WRAP53: variants seen among roughly 807,000 people sequenced by gnomAD.
WRAP53 encodes telomerase Cajal body protein 1.
A neutral mutation model predicts 56.6 loss-of-function variants in WRAP53; 28 were observed. That is an observed-to-expected ratio of 0.50 (90% confidence interval 0.37 to 0.68). The LOEUF (loss-of-function observed/expected upper bound fraction) is 0.68. WRAP53 is among the 30% of genes least tolerant of loss of function. The pLI is 0.00. For synonymous variants in WRAP53, 283 were observed against 283.4 expected, an observed-to-expected ratio of 1.00 and a Z score of 0.01; for missense variants, 671 against 715.5, an observed-to-expected ratio of 0.94 and a Z score of 0.71.
intron 4 of WRAP53, among the ~76,000 whole-genome samples, chr17:7,693,238 T>A (rs2074138848): frequency 6.6e-6 from 1 of 151,464 alleles, no homozygotes; most frequent in African/African-American, 2.4e-5. Flanking sequence ...ATGTGGCAGT[T>A]GTGTTGCTCT....
At chr17:7,688,335 T>G (rs1057516027), upstream of WRAP53, 10 of 442,732 alleles carry the variant, frequency 2.3e-5, no homozygotes, top group East Asian at 1.4e-4. Flanking sequence ...ACGGGAAACC[T>G]TCTAACCTTT....
rs926446428 is a variant in WRAP53 at position 7,689,535 on chromosome 17, C to A, written c.531-55C>A. 4 of 1,550,840 alleles carry A rather than the reference C, an allele frequency of 2.6e-6. No individual in the cohort carries two copies. The Admixed American group carries it at 6.7e-5, about 26-fold the overall frequency. ...CCCCAGAGGCAGGCTCAGCCCTAGCCCTACACTTGAAAAGCATAGGTCTGG... is the reference window on the plus strand; with the variant it reads ...CCCCAGAGGCAGGCTCAGCCCTAGCACTACACTTGAAAAGCATAGGTCTGG... On this transcript the variant is annotated intron_variant, in intron 3 of 10. Coordinates refer to ENST00000396463, the MANE Select transcript of WRAP53 (RefSeq NM_001143992.2).
At chr17:7,700,971 C>T in intron 5 of WRAP53, 142 bp downstream of exon 5, 1 of 664,460 alleles carries the variant, frequency 1.5e-6, no homozygotes, top group Non-Finnish European at 2.7e-6. Flanking sequence ...TTGGCTTCCT[C>T]CCCTTCCTTT....
chr17:7,702,872 A>G lies in WRAP53; in HGVS notation c.1268+26A>G. The G allele has an allele frequency of 1.2e-6, 2 of 1,613,264 alleles. No homozygotes were observed. The highest frequency in any genetic ancestry group is 1.6e-4 in the Middle Eastern group (1 of 6,062). ...GTGAGTGGCTGTGACTCCTTCCTAC[A>G]CAGGGCCCTGATAAGCCTAGGAATG... is the stretch of plus-strand genomic sequence containing the variant. On this transcript the variant is annotated intron_variant, in intron 9 of 10. Coordinates refer to ENST00000396463, the MANE Select transcript of WRAP53 (RefSeq NM_001143992.2). This position sits in a 1 kb window ranked among gnomAD's most constrained non-coding sequence, Gnocchi z 5.0.
Position 7,688,953 on chromosome 17 carries a change from C to T in WRAP53, c.305C>T (p.Thr102Ile), listed in dbSNP as rs759428765. The part of the protein sequence containing the change: ...RIEEQELSEN[T>I]SLPAEEANGS... The stretch of plus-strand genomic sequence containing the variant: ...GAGGAGCAAGAACTTTCTGAAAATA[C>T]AAGCCTTCCTGCAGAAGAAGCAAAC... The change falls in exon 2 of 11, where the codon ACA becomes ATA. Residue 102 changes from threonine to isoleucine, a missense_variant. By Grantham distance (89) the Thr-to-Ile change is moderately conservative. Around this residue, in one of 3 missense-constraint regions of WRAP53, gnomAD observed 406 missense variants for 418.5 expected, o/e 0.97. Transcript: ENST00000396463. 1.2e-5 allele frequency: 20 copies of T among 1,614,052 alleles called. No individual in the cohort carries two copies. The highest frequency in any genetic ancestry group is 1.5e-5 in the Non-Finnish European group (18 of 1,180,046).
At chr17:7,696,525 C>T (rs906695481) in intron 4 of WRAP53, among the ~76,000 whole-genome samples, 1 of 152,090 alleles carries the variant, frequency 6.6e-6, no homozygotes, top group Non-Finnish European at 1.5e-5. Flanking sequence ...GTCTCGATCT[C>T]CTGACCTTGT....
rs931535923 is a variant in WRAP53, at chr17:7,703,477, G to A, written c.1638G>A (p.Glu546=). The A allele has an allele frequency of 4.3e-6, 7 of 1,612,232 alleles. No individual in the cohort carries two copies. Among genetic ancestry groups the A allele is most frequent in the Non-Finnish European group, 5.9e-6 (7 of 1,179,442 alleles). Residue 546 remains glutamate, a synonymous_variant, in exon 11 of 11, where the codon GAG becomes GAA. Coordinates refer to ENST00000396463, the MANE Select transcript of WRAP53 (RefSeq NM_001143992.2). ...GAGGAACGGAGGGAGGTGTGGGTGAGCTGATATAAAAAGGTTTTTATGATA... is the reference window on the plus strand; with the variant it reads ...GAGGAACGGAGGGAGGTGTGGGTGAACTGATATAAAAAGGTTTTTATGATA... ...GQGGTEGGVG[E]LI is the part of the protein sequence containing the mutation.
At chr17:7,698,789 T>A (rs1303581770) in intron 4 of WRAP53, among the ~76,000 whole-genome samples, 4 of 151,812 alleles carry the variant, frequency 2.6e-5, no homozygotes, top group African/African-American at 9.7e-5. Context: ...AGGCAGAGAA[T>A]TGCTTGAGTC....
rs571742226 is a variant in WRAP53, at chr17:7,694,993, C to T, written c.642+5292C>T. Among the ~76,000 whole-genome samples, 704 of 151,912 alleles carry T rather than the reference C, an allele frequency of 4.6e-3. 4 individuals carry two copies. Among genetic ancestry groups the T allele is most frequent in the Non-Finnish European group, 7.5e-3 (513 of 67,974 alleles). ...TTTGAGATGGAGTCTTGCTGTGTCC[C>T]CCAGGCTGGAGTGCAGTGGCGCGAT... On this transcript the variant is annotated intron_variant, in intron 4 of 10. Coordinates refer to ENST00000396463, the MANE Select transcript of WRAP53 (RefSeq NM_001143992.2).
chr17:7,699,522 T>A (rs8065504), intron 4 of WRAP53, among the ~76,000 whole-genome samples: 3,004 of 13,546 alleles, frequency 0.22, 470 homozygotes, highest in Middle Eastern at 0.36. Context: ...ATATATATAT[T>A]TATATATATA....
At chr17:7,688,582 G>C in intron 1 of WRAP53, 21 bp downstream of exon 1, 1 of 1,578,758 alleles carries the variant, frequency 6.3e-7, no homozygotes, top group Non-Finnish European at 8.6e-7. Context: ...TTAGCTCTGC[G>C]TCGGATCCCT....
rs370691767 is a variant in WRAP53 at position 7,702,882 on chromosome 17, G to C, written c.1268+36G>C. The C allele has an allele frequency of 6.8e-6, 11 of 1,613,030 alleles. No homozygotes were observed. The African/African-American group carries it at 9.3e-5, about 14-fold the overall frequency. On this transcript the variant is annotated intron_variant, in intron 9 of 10. Coordinates refer to ENST00000396463, the MANE Select transcript of WRAP53 (RefSeq NM_001143992.2). This position sits in a 1 kb window ranked among gnomAD's most constrained non-coding sequence, Gnocchi z 5.0. ...GTGACTCCTTCCTACACAGGGCCCT[G>C]ATAAGCCTAGGAATGCCAGAGCCCA...
chr17:7,695,957 C>T (rs1038389309), intron 4 of WRAP53, among the ~76,000 whole-genome samples: 30 of 152,060 alleles, frequency 2.0e-4, no homozygotes, highest in African/African-American at 7.3e-4. Flanking sequence ...TATTCTGCAC[C>T]ACGTGTTGGG....
intron 4 of WRAP53, among the ~76,000 whole-genome samples, chr17:7,699,456 A>T (rs868821161): frequency 4.5e-5 from 2 of 44,860 alleles, no homozygotes; most frequent in African/African-American, 1.6e-4. Flanking sequence ...ATATATATAT[A>T]TTTATATATA....
chr17:7,700,226 A>G (rs1461506250), intron 4 of WRAP53, among the ~76,000 whole-genome samples: 3 of 151,800 alleles, frequency 2.0e-5, no homozygotes, highest in East Asian at 3.9e-4. Flanking sequence ...TTTTTGTACT[A>G]ATATTTTTTT....
At chr17:7,700,654 C>A (rs1485861851) in intron 4 of WRAP53, 87 bp from the exon 5 acceptor site, 6 of 854,784 alleles carry the variant, frequency 7.0e-6, no homozygotes, top group Admixed American at 1.7e-5. Context: ...CATATATACA[C>A]CCCATCTGCC....
chr17:7,701,991 G>A lies in WRAP53; in HGVS notation c.955+202G>A, dbSNP rs1408761388. On this transcript the variant is annotated intron_variant, in intron 7 of 10. Transcript: ENST00000396463. This position sits in a 1 kb window ranked among gnomAD's most constrained non-coding sequence, Gnocchi z 4.2. Reference sequence around the variant, plus strand: ...TCCCAAGGCCAACCAGCTGGTCAAAGGACTGCTTCCTTCCTGAACTCATAC... The same window carrying A: ...TCCCAAGGCCAACCAGCTGGTCAAAAGACTGCTTCCTTCCTGAACTCATAC... 6 of 840,372 alleles carry A rather than the reference G, an allele frequency of 7.1e-6. No individual in the cohort carries two copies. The highest frequency in any genetic ancestry group is 1.2e-5 in the Non-Finnish European group (6 of 512,256). 52.1% of individuals were successfully genotyped at this position (840,372 alleles called of 1,614,324 possible).
At chr17:7,700,978 C>CTT (rs771498263) in intron 5 of WRAP53, 149 bp downstream of exon 5, 203 of 553,524 alleles carry the variant, frequency 3.7e-4, no homozygotes, top group Middle Eastern at 5.3e-4. Context: ...CCTCCCCTTC[C>CTT]TTTTTTTTTT....
Position 7,689,475 on chromosome 17 carries a change from T to C in WRAP53, c.531-115T>C. 4.7e-6 allele frequency: 6 copies of C among 1,273,256 alleles called. No individual in the cohort carries two copies. The South Asian group carries it at 6.1e-5, about 13-fold the overall frequency. The allele number at this position is 1,273,256 out of a possible 1,614,324, so 78.9% of individuals were successfully genotyped here. On this transcript the variant is annotated intron_variant, in intron 3 of 10. Coordinates refer to ENST00000396463, the MANE Select transcript of WRAP53 (RefSeq NM_001143992.2). ...ACATTTTATCTAGCAGTTTGTGTCT[T>C]CTACTTCCCTCAAGGATTCAGGGGG... is the stretch of plus-strand genomic sequence containing the variant.
Sources: gnomAD v4.1 joint callset for allele counts (sites outside exome capture counted in the v4.1 genomes callset) on GRCh38, gnomAD v4.1.1 for gene constraint, gnomAD v4.1.1 regional missense constraint, Gnocchi (gnomAD v3.1) non-coding constraint, MANE v1.5 for transcripts, NCBI Gene and HGNC (gene_info 2026-07-23, HGNC 2026-07-21) for gene names.